The following CFLAR variants were observed in gnomAD, a reference collection of about 807,000 sequenced individuals.
CFLAR encodes CASP8 and FADD-like apoptosis regulator.
Under a neutral mutation model 51.1 loss-of-function variants are expected in CFLAR, and 14 were observed. The ratio of observed to expected loss-of-function variants is 0.27; its 90% CI spans 0.18 to 0.43. The LOEUF is 0.43. Among genes scored for constraint, CFLAR ranks in the 20% least tolerant of loss-of-function variants. The pLI is 1.00. For synonymous variants in CFLAR, 210 were observed against 211.6 expected (o/e 0.99, Z 0.06); for missense variants, 390 against 566.5 (o/e 0.69, Z 3.16).
chr2:201,155,198 A>C (rs1941947918), intron 8 of CFLAR, among the ~76,000 whole-genome samples: 1 of 152,208 alleles, frequency 6.6e-6, no homozygotes, highest in African/African-American at 2.4e-5. Flanking sequence ...GGCTTGGCCT[A>C]AAGCTCTGGT....
At position 201,165,993 on chromosome 2, in the gene CFLAR, A is replaced by G. The variant is rs1943504834; in HGVS notation, c.*2020A>G. The G allele has an allele frequency of 5.0e-6, 1 of 200,354 alleles. No individual in the cohort carries two copies. Among genetic ancestry groups the G allele is most frequent in the Non-Finnish European group, 9.9e-6 (1 of 100,570 alleles). 12.4% of individuals were successfully genotyped at this position (200,354 alleles called of 1,614,324 possible). Reference sequence around the variant, plus strand: ...CATGTCTACTTCTTTCTACACAGACACAGCAACAATCTGATTTCTCTATCT... The same window carrying G: ...CATGTCTACTTCTTTCTACACAGACGCAGCAACAATCTGATTTCTCTATCT... On this transcript the variant is annotated 3_prime_UTR_variant, in exon 10 of 10. Transcript: ENST00000309955.
At chr2:201,153,736 AATTT>A in intron 8 of CFLAR, 1 of 152,280 alleles carries the variant, frequency 6.6e-6, no homozygotes, top group East Asian at 1.9e-4. Context: ...CAGAGTATAT[AATTT>A]ATTAAAAATC....
rs1032487932 is a variant in CFLAR, at chr2:201,173,840, T to C, written c.*9867T>C. ...GCACCCACCATCACGCCTGGCTAAT[T>C]TTTGTATTTTTAGTAGAGACAGGGT... is the stretch of plus-strand genomic sequence containing the variant. On this transcript the variant is annotated 3_prime_UTR_variant, in exon 10 of 10. Coordinates refer to ENST00000309955, the MANE Select transcript of CFLAR (RefSeq NM_003879.7). 6 of 151,476 alleles carry C rather than the reference T, an allele frequency of 4.0e-5. No homozygotes were observed. The highest frequency in any genetic ancestry group is 1.2e-4 in the African/African-American group (5 of 41,128). 9.4% of individuals were successfully genotyped at this position (151,476 alleles called of 1,614,324 possible).
Position 201,160,541 on chromosome 2 carries a change from GC to G in CFLAR, c.904del (p.His302ThrfsTer12). ...ILGQFACMPE[H>X]RDYDSFVCVL... ...TTGGCCAATTTGCCTGTATGCCCGA[GC>G]ACCGAGACTACGACAGCTTTGTGTG... On this transcript the variant is annotated frameshift_variant, in exon 9 of 10. Transcript: ENST00000309955. LOFTEE classifies it high-confidence loss of function. 6.2e-7 allele frequency: 1 copy of G among 1,612,996 alleles called. No homozygotes were observed.
intron 9 of CFLAR, among the ~76,000 whole-genome samples, chr2:201,161,192 T>C (rs1449425968): frequency 6.6e-6 from 1 of 152,148 alleles, no homozygotes; most frequent in Non-Finnish European, 1.5e-5. Context: ...GGCAACAAAG[T>C]GAGAACTTGC....
Position 201,138,239 on chromosome 2 carries a change from G to A in CFLAR, c.524-2118G>A, listed in dbSNP as rs1238290298. The stretch of plus-strand genomic sequence containing the variant: ...CTGATACACCGAGTTCCCTTGGGAC[G>A]AGTCCAAGCCTATGACATTGACGCC... On this transcript the variant is annotated intron_variant, in intron 4 of 9. Transcript: ENST00000309955. This position sits in a 1 kb window ranked among gnomAD's most constrained non-coding sequence, Gnocchi z 4.0. 3.9e-5 allele frequency: 35 copies of A among 901,640 alleles called. No individual in the cohort carries two copies. Among genetic ancestry groups the A allele is most frequent in the Non-Finnish European group, 5.8e-5 (31 of 534,756 alleles). 55.9% of individuals were successfully genotyped at this position (901,640 alleles called of 1,614,324 possible). A position where few individuals can be genotyped will look rare whatever the true frequency, so the allele number is the denominator to read the frequency against.
rs1056100209 is a variant in CFLAR at position 201,118,314 on chromosome 2, G to T, written c.-138+1833G>T. Among the ~76,000 whole-genome samples the T allele has an allele frequency of 1.1e-4, 16 of 152,164 alleles. No homozygotes were observed. Among genetic ancestry groups the T allele is most frequent in the Non-Finnish European group, 2.4e-4 (16 of 68,026 alleles). On this transcript the variant is annotated intron_variant, in intron 1 of 9. Transcript: ENST00000309955. The surrounding 1 kb of genome is among the most constrained non-coding windows in gnomAD (Gnocchi z 5.1). ...GGTGAAGCCATTTGCAGGGTCGCTGGGTTTCCCCCTCCCCCCGAAAGTCTT... is the reference window on the plus strand; with the variant it reads ...GGTGAAGCCATTTGCAGGGTCGCTGTGTTTCCCCCTCCCCCCGAAAGTCTT...
At position 201,129,537 on chromosome 2, in the gene CFLAR, GT is replaced by G. The variant is rs564695598; in HGVS notation, c.-137-191del. Reference sequence around the variant, plus strand: ...CTTTACAATGTAGGTTTTCTTCTCTGTCTTTTTGGATTAGTCTGTTTTTGGT... The same window carrying G: ...CTTTACAATGTAGGTTTTCTTCTCTGCTTTTTGGATTAGTCTGTTTTTGGT... On this transcript the variant is annotated intron_variant, in intron 1 of 9. Coordinates refer to ENST00000309955, the MANE Select transcript of CFLAR (RefSeq NM_003879.7). 1.6e-3 allele frequency: 640 copies of G among 404,188 alleles called. 5 individuals are homozygous for G. The highest frequency in any genetic ancestry group is 0.011 in the African/African-American group (554 of 48,880). 25.0% of individuals were successfully genotyped at this position (404,188 alleles called of 1,614,324 possible).
chr2:201,172,079 T>TA lies in CFLAR; in HGVS notation c.*8107dup, dbSNP rs1240944576. 6.6e-6 allele frequency: 1 copy of TA among 152,246 alleles called. No homozygotes were observed. Among genetic ancestry groups the TA allele is most frequent in the African/African-American group, 2.4e-5 (1 of 41,468 alleles). 9.4% of individuals were successfully genotyped at this position (152,246 alleles called of 1,614,324 possible). On this transcript the variant is annotated 3_prime_UTR_variant, in exon 10 of 10. Coordinates refer to ENST00000309955, the MANE Select transcript of CFLAR (RefSeq NM_003879.7). Reference sequence around the variant, plus strand: ...TCTCCTCCAAGCCTTCTTTTCATTTTATATCTCATGCTGTAATTCTTGGAA... The same window carrying TA: ...TCTCCTCCAAGCCTTCTTTTCATTTTAATATCTCATGCTGTAATTCTTGGAA...
At chr2:201,125,726 T>G (rs1002437976) in intron 1 of CFLAR, among the ~76,000 whole-genome samples, 7 of 152,062 alleles carry the variant, frequency 4.6e-5, no homozygotes, top group Admixed American at 1.3e-4. Flanking sequence ...GAACAGAGTC[T>G]TCCTGTAAAT....
At position 201,164,701 on chromosome 2, in the gene CFLAR, A is replaced by G. The variant is rs1943375871; in HGVS notation, c.*728A>G. The stretch of plus-strand genomic sequence containing the variant: ...AGCACCCTCACAGATGTACCCGGGA[A>G]CACTTTGCATCCTTCTATTCAATCA... On this transcript the variant is annotated 3_prime_UTR_variant, in exon 10 of 10. Transcript: ENST00000309955. 6.6e-6 allele frequency: 1 copy of G among 152,210 alleles called. No homozygotes were observed. Among genetic ancestry groups the G allele is most frequent in the Non-Finnish European group, 1.5e-5 (1 of 68,042 alleles). The allele number at this position is 152,210 out of a possible 1,614,324, so 9.4% of individuals were successfully genotyped here. A position where few individuals can be genotyped will look rare whatever the true frequency, so the allele number is the denominator to read the frequency against.
chr2:201,134,319 T>A lies in CFLAR; in HGVS notation c.387+1185T>A, dbSNP rs184805722. Among the ~76,000 whole-genome samples, 1,260 of 147,502 alleles carry A rather than the reference T, an allele frequency of 8.5e-3. 16 individuals carry two copies. Among genetic ancestry groups the A allele is most frequent in the African/African-American group, 0.029 (1,181 of 40,048 alleles). Reference sequence around the variant, plus strand: ...CAAGACTCTGTCTCAAAAAAAAAAATTTTTTTTAACTCCAGTTGGCCTAGC... The same window carrying A: ...CAAGACTCTGTCTCAAAAAAAAAAAATTTTTTTAACTCCAGTTGGCCTAGC... On this transcript the variant is annotated intron_variant, in intron 3 of 9. Coordinates refer to ENST00000309955, the MANE Select transcript of CFLAR (RefSeq NM_003879.7).
chr2:201,136,129 TG>T, intron 4 of CFLAR, 22 bp downstream of exon 4: 1 of 1,612,506 alleles, frequency 6.2e-7, no homozygotes, highest in East Asian at 2.2e-5. Flanking sequence ...GGCCTCTCAG[TG>T]GTCTAGGGGA....
intron 3 of CFLAR, among the ~76,000 whole-genome samples, chr2:201,133,388 A>G (rs2049581934): frequency 6.6e-6 from 1 of 152,196 alleles, no homozygotes; most frequent in Non-Finnish European, 1.5e-5. Context: ...TGTAAAATTC[A>G]TAGGTCTGGC....
intron 3 of CFLAR, among the ~76,000 whole-genome samples, chr2:201,134,185 C>T (rs2049758527): frequency 6.6e-6 from 1 of 151,696 alleles, no homozygotes; most frequent in African/African-American, 2.4e-5. Flanking sequence ...TGGTAGGCAC[C>T]TATAATCCCA....
chr2:201,153,944 C>T (rs1941727859), intron 8 of CFLAR, among the ~76,000 whole-genome samples: 1 of 122,312 alleles, frequency 8.2e-6, no homozygotes, highest in South Asian at 2.6e-4. Context: ...CTTGCTCTGT[C>T]GCCAGGCTGG....
chr2:201,133,239 T>A, intron 3 of CFLAR, 105 bp downstream of exon 3: 1 of 754,912 alleles, frequency 1.3e-6, no homozygotes, highest in Non-Finnish European at 2.3e-6. Flanking sequence ...GCCACTATAG[T>A]GGGAGTCAGA....
intron 3 of CFLAR, among the ~76,000 whole-genome samples, 176 bp from the exon 4 acceptor site, chr2:201,135,796 T>A (rs1201574417): frequency 1.3e-5 from 2 of 152,076 alleles, no homozygotes; most frequent in Admixed American, 6.5e-5. Context: ...AGCTTATTTT[T>A]TTTATTTTTT....
intron 6 of CFLAR, among the ~76,000 whole-genome samples, chr2:201,146,014 C>T (rs913859057): frequency 1.3e-5 from 2 of 151,508 alleles, no homozygotes; most frequent in East Asian, 1.9e-4. Flanking sequence ...TCACCCAGGC[C>T]GGAGTGCAGT....
Sources: allele counts gnomAD v4.1 joint callset (sites outside exome capture counted in the v4.1 genomes callset), GRCh38; gene constraint gnomAD v4.1.1; non-coding constraint Gnocchi (gnomAD v3.1); transcripts MANE v1.5; gene names NCBI Gene and HGNC (gene_info 2026-07-23, HGNC 2026-07-21).